INPP5F: variants seen among roughly 807,000 people sequenced by gnomAD.
The protein encoded by INPP5F is inositol polyphosphate-5-phosphatase F, also known as phosphatidylinositide 4-phosphatase SAC2.
INPP5F carries 97 observed loss-of-function variants against 137.2 expected under a neutral mutation model. That is an observed-to-expected ratio of 0.71 (90% CI 0.60 to 0.84). INPP5F has a LOEUF of 0.84. INPP5F is among the 40% of genes least tolerant of loss of function. INPP5F has a pLI of 0.00. For synonymous variants in INPP5F, 504 were observed against 476.9 expected (o/e 1.06, Z -0.74); for missense variants, 1,271 against 1,371.9 (o/e 0.93, Z 1.16).
At chr10:119,794,092 A>G (rs1850240997) in intron 6 of INPP5F, among the ~76,000 whole-genome samples, 2 of 151,928 alleles carry the variant, frequency 1.3e-5, no homozygotes, top group African/African-American at 4.8e-5. Context: ...GTCACAGGAC[A>G]ATAGTGGAGG....
chr10:119,769,968 G>GA (rs34738345), intron 2 of INPP5F, among the ~76,000 whole-genome samples: 54,144 of 151,860 alleles, frequency 0.36, 10,125 homozygotes, highest in East Asian at 0.58. Context: ...TAATGCAGGA[G>GA]AAAAATTTTT....
chr10:119,813,825 T>C (rs1485542070), intron 15 of INPP5F, among the ~76,000 whole-genome samples: 1 of 152,118 alleles, frequency 6.6e-6, no homozygotes, highest in African/African-American at 2.4e-5. Context: ...AGTGAGACAC[T>C]GTCTCTTAAA....
Position 119,805,386 on chromosome 10 carries a change from G to A in INPP5F, c.1244G>A (p.Arg415Gln), listed in dbSNP as rs746802881. The stretch of plus-strand genomic sequence containing the variant: ...CTTTCTTTTGGCATGGATTTTAGCC[G>A]AGGAATGAAGTTTGAGAATGTTCAG... ...YVSFDFHEHC[R>Q]GMKFENVQTL... The change falls in exon 11 of 20, where the codon CGA becomes CAA. Residue 415 changes from arginine to glutamine, a missense_variant and splice_region_variant. This residue lies in a region of INPP5F where 593 missense variants were observed against 712.4 expected (regional missense o/e 0.83). Coordinates refer to ENST00000650623, the MANE Select transcript of INPP5F (RefSeq NM_014937.4). The A allele has an allele frequency of 1.5e-5, 24 of 1,610,580 alleles. No individual in the cohort carries two copies. The highest frequency in any genetic ancestry group is 1.7e-5 in the Admixed American group (1 of 59,930).
rs1850467521 is a variant in INPP5F, at chr10:119,798,518, A to G, written c.1049-25A>G. 3 of 1,580,438 alleles carry G rather than the reference A, an allele frequency of 1.9e-6. No individual in the cohort carries two copies. The East Asian group carries it at 6.7e-5, about 36-fold the overall frequency. The stretch of plus-strand genomic sequence containing the variant: ...ATGTCTTAAACATGGGAAGGAAAAA[A>G]AGATTTTGTATCACTTCTTTGTAGG... On this transcript the variant is annotated intron_variant, in intron 8 of 19. Coordinates refer to ENST00000650623, the MANE Select transcript of INPP5F (RefSeq NM_014937.4).
At chr10:119,737,055 C>T (rs1037871473) in intron 1 of INPP5F, among the ~76,000 whole-genome samples, 2 of 152,142 alleles carry the variant, frequency 1.3e-5, no homozygotes, top group East Asian at 1.9e-4. Flanking sequence ...TCTCAAACCC[C>T]TGGGCTCAAG....
At chr10:119,750,803 G>C (rs1190770251) in intron 1 of INPP5F, among the ~76,000 whole-genome samples, 1 of 152,150 alleles carries the variant, frequency 6.6e-6, no homozygotes, top group Non-Finnish European at 1.5e-5. Context: ...TTCCTCCACT[G>C]TAGGGCGCCA....
At chr10:119,819,342 T>G (rs1851451202) in intron 15 of INPP5F, 1 of 1,216,602 alleles carries the variant, frequency 8.2e-7, no homozygotes, top group South Asian at 3.1e-5. Flanking sequence ...TCCGACTGCC[T>G]GTTACGTGCC....
intron 15 of INPP5F, chr10:119,819,840 TCC>T: frequency 4.0e-6 from 1 of 249,312 alleles, no homozygotes; most frequent in East Asian, 7.8e-5. Context: ...TTATGGTAAA[TCC>T]TTCCCTGCAG....
Position 119,736,981 on chromosome 10 carries a change from A to G in INPP5F, c.97+10622A>G, listed in dbSNP as rs145337169. Among the ~76,000 whole-genome samples, 638 of 152,118 alleles carry G rather than the reference A, an allele frequency of 4.2e-3. 4 individuals carry two copies. Among genetic ancestry groups the G allele is most frequent in the African/African-American group, 0.014 (599 of 41,520 alleles). ...TAGGATTACATGTGGGCACCACCAC[A>G]CCTGGCTAATTTTTTTACAACATTT... On this transcript the variant is annotated intron_variant, in intron 1 of 19. Transcript: ENST00000650623.
At chr10:119,757,159 C>T (rs180914171) in intron 2 of INPP5F, among the ~76,000 whole-genome samples, 1 of 152,078 alleles carries the variant, frequency 6.6e-6, no homozygotes, top group African/African-American at 2.4e-5. Context: ...ACTGCAACCT[C>T]AGCCTCCTGG....
intron 19 of INPP5F, among the ~76,000 whole-genome samples, chr10:119,825,156 AT>A (rs1485614320): frequency 1.3e-5 from 2 of 152,230 alleles, no homozygotes; most frequent in Admixed American, 6.5e-5. Context: ...ATTGCCAAGA[AT>A]TTTGGTTGCT....
In INPP5F at chr10:119,826,623, A is replaced by T. The variant is rs1234840493; in HGVS notation, c.2250-8A>T. ...GGGAATTAACTTTTTTTCTCTTCTAATTTGTAGGAAGAGCAGTAAACCTCA... is the reference window on the plus strand; with the variant it reads ...GGGAATTAACTTTTTTTCTCTTCTATTTTGTAGGAAGAGCAGTAAACCTCA... On this transcript the variant is annotated splice_region_variant and splice_polypyrimidine_tract_variant and intron_variant, in intron 19 of 19. Coordinates refer to ENST00000650623, the MANE Select transcript of INPP5F (RefSeq NM_014937.4). The T allele has an allele frequency of 1.3e-6, 2 of 1,557,220 alleles. No homozygotes were observed. Among genetic ancestry groups the T allele is most frequent in the Admixed American group, 2.2e-5 (1 of 46,356 alleles).
At chr10:119,803,329 A>T (rs1455808965) in intron 9 of INPP5F, among the ~76,000 whole-genome samples, 1 of 152,210 alleles carries the variant, frequency 6.6e-6, no homozygotes, top group Non-Finnish European at 1.5e-5. Context: ...AATGAGATGT[A>T]GGGAGCTAAT....
chr10:119,729,545 A>G lies in INPP5F; in HGVS notation c.97+3186A>G, dbSNP rs1321087772. 2.7e-5 allele frequency among the ~76,000 whole-genome samples: 4 copies of G among 150,036 alleles called. No homozygotes were observed. In the East Asian group the frequency reaches 7.9e-4, roughly 30 times the overall value. Reference sequence around the variant, plus strand: ...GGAAAGGTACACCTGCACTTGTGTTATATTTCTATCTGATGTAGCATTATC... The same window carrying G: ...GGAAAGGTACACCTGCACTTGTGTTGTATTTCTATCTGATGTAGCATTATC... On this transcript the variant is annotated intron_variant, in intron 1 of 19. Coordinates refer to ENST00000650623, the MANE Select transcript of INPP5F (RefSeq NM_014937.4).
At chr10:119,800,484 C>G (rs1381932826) in intron 9 of INPP5F, among the ~76,000 whole-genome samples, 2 of 150,574 alleles carry the variant, frequency 1.3e-5, no homozygotes, top group Admixed American at 1.3e-4. Context: ...TGCTTGAACC[C>G]AGGAGGCAGA....
At chr10:119,792,749 G>C (rs1397014315) in intron 6 of INPP5F, among the ~76,000 whole-genome samples, 2 of 151,722 alleles carry the variant, frequency 1.3e-5, no homozygotes, top group Non-Finnish European at 2.9e-5. Context: ...TCCTTTTCTT[G>C]GTCATGTATG....
chr10:119,735,926 T>C (rs1290607379), intron 1 of INPP5F, among the ~76,000 whole-genome samples: 2 of 152,220 alleles, frequency 1.3e-5, no homozygotes, highest in Admixed American at 1.3e-4. Context: ...GGTCAGGAGT[T>C]TGAGACCTGC....
intron 15 of INPP5F, chr10:119,819,607 T>C (rs1346785782): frequency 7.8e-7 from 1 of 1,282,206 alleles, no homozygotes; most frequent in Non-Finnish European, 1.1e-6. Flanking sequence ...TGAAGCTGTC[T>C]GGATCGGTCT....
chr10:119,818,027 G>A (rs1350100998), intron 15 of INPP5F, among the ~76,000 whole-genome samples: 4 of 152,234 alleles, frequency 2.6e-5, no homozygotes. Context: ...GCGGGGTCGC[G>A]GCCTAGGGCA....
Sources: allele counts gnomAD v4.1 joint callset (sites outside exome capture counted in the v4.1 genomes callset), GRCh38; gene constraint gnomAD v4.1.1; regional missense constraint gnomAD v4.1.1; transcripts MANE v1.5; gene names NCBI Gene and HGNC (gene_info 2026-07-23, HGNC 2026-07-21).